Variants in ITGAM observed in about 807,000 individuals in gnomAD.
ITGAM encodes integrin alpha-M.
ITGAM carries 79 observed loss-of-function variants against 137.5 expected under a neutral mutation model. The observed-to-expected ratio is 0.57, with a 90% CI of 0.48 to 0.69. The LOEUF (loss-of-function observed/expected upper bound fraction) is 0.69, where lower values mean the gene tolerates loss of function less well. ITGAM is among the 30% of genes least tolerant of loss of function. ITGAM has a pLI of 0.00. For missense variants in ITGAM, 1,343 were observed against 1,483.5 expected (o/e 0.91, Z 1.56); for synonymous variants, 583 against 592.3 (o/e 0.98, Z 0.23).
At chr16:31,317,185 G>C (rs1008715676) in intron 14 of ITGAM, among the ~76,000 whole-genome samples, 2 of 152,106 alleles carry the variant, frequency 1.3e-5, no homozygotes, top group South Asian at 4.1e-4. Flanking sequence ...CCTAATTTTA[G>C]TGGTAAAATC....
chr16:31,278,192 A>G, intron 12 of ITGAM, 83 bp downstream of exon 12: 2 of 1,409,692 alleles, frequency 1.4e-6, no homozygotes, highest in South Asian at 1.4e-5. Context: ...TTCAGATGAC[A>G]TGCATGGCCC....
In ITGAM at chr16:31,324,564, T is replaced by C. The variant is rs1466844974; in HGVS notation, c.2157+11T>C. On this transcript the variant is annotated intron_variant, in intron 17 of 29. Coordinates refer to ENST00000544665, the MANE Select transcript of ITGAM (RefSeq NM_000632.4). The surrounding 1 kb of genome is among the most constrained non-coding windows in gnomAD (Gnocchi z 4.5). ...AAACTACAGTTGCCGGTGAGCAGGC[T>C]AGTGGCCAGACCCCTGGGTCTTCCA... is the stretch of plus-strand genomic sequence containing the variant. The C allele has an allele frequency of 1.9e-6, 3 of 1,610,122 alleles. No individual in the cohort carries two copies. The highest frequency in any genetic ancestry group is 1.7e-5 in the Admixed American group (1 of 59,350).
Position 31,275,604 on chromosome 16 carries a change from C to G in ITGAM, c.914C>G (p.Ser305Cys). The change falls in exon 9 of 30, where the codon TCC (serine) becomes TGC (cysteine). Residue 305 changes from serine (S) to cysteine (C), a missense_variant. Coordinates refer to ENST00000544665, the MANE Select transcript of ITGAM (RefSeq NM_000632.4). ...KSRQELNTIA[S>C]KPPRDHVFQV... ...CGCCAAGAGCTTAATACCATCGCAT[C>G]CAAGCCGCCTCGTGATCACGTGTTC... 4 of 1,613,926 alleles carry G rather than the reference C, an allele frequency of 2.5e-6. No individual in the cohort carries two copies. Among genetic ancestry groups the G allele is most frequent in the Non-Finnish European group, 3.4e-6 (4 of 1,179,852 alleles).
At position 31,266,417 on chromosome 16, in the gene ITGAM, T is replaced by TA. The variant is rs11331941; in HGVS notation, c.427+290dup. Among the ~76,000 whole-genome samples the TA allele has an allele frequency of 3.0e-3, 394 of 129,586 alleles. 3 individuals are homozygous for TA. Among genetic ancestry groups the TA allele is most frequent in the Admixed American group, 0.017 (221 of 12,880 alleles). 85.0% of individuals were successfully genotyped at this position (129,586 alleles called of 152,430 possible). On this transcript the variant is annotated intron_variant, in intron 5 of 29. Coordinates refer to ENST00000544665, the MANE Select transcript of ITGAM (RefSeq NM_000632.4). The stretch of plus-strand genomic sequence containing the variant: ...GGGCAATGTAGTGAGATCCTGTCTC[T>TA]AAAAAAAAAAAAAAAAAAAATTAGC...
intron 2 of ITGAM, among the ~76,000 whole-genome samples, chr16:31,264,553 A>G (rs1444559230): frequency 1.3e-5 from 2 of 152,064 alleles, no homozygotes; most frequent in East Asian, 3.9e-4. Flanking sequence ...CTGAGGTGGA[A>G]GGATTGTTTG....
At chr16:31,308,834 A>G (rs1411277332) in intron 14 of ITGAM, among the ~76,000 whole-genome samples, 1 of 151,196 alleles carries the variant, frequency 6.6e-6, no homozygotes, top group Non-Finnish European at 1.5e-5. Context: ...TGTGTCCCAG[A>G]GATTTTGGTA....
Position 31,330,298 on chromosome 16 carries a change from C to T in ITGAM, c.3061-10C>T, listed in dbSNP as rs373419434. The T allele has an allele frequency of 6.2e-7, 1 of 1,608,958 alleles. No individual in the cohort carries two copies. On this transcript the variant is annotated splice_polypyrimidine_tract_variant and intron_variant, in intron 26 of 29. Transcript: ENST00000544665. Reference sequence around the variant, plus strand: ...TCCTTACCCGTCCCCTCCCCTCCTGCGTTCCCCAGAACTGCTCCATCGCTG... The same window carrying T: ...TCCTTACCCGTCCCCTCCCCTCCTGTGTTCCCCAGAACTGCTCCATCGCTG...
intron 23 of ITGAM, 97 bp downstream of exon 23, chr16:31,328,327 TGAGA>T: frequency 2.2e-6 from 2 of 917,238 alleles, no homozygotes; most frequent in Admixed American, 1.8e-5. Flanking sequence ...TGTGTGTGTG[TGAGA>T]GTCTGAGGAT....
At position 31,331,172 on chromosome 16, in the gene ITGAM, C is replaced by T. The variant is rs777235450; in HGVS notation, c.3284C>T (p.Thr1095Ile). 2.5e-6 allele frequency: 4 copies of T among 1,605,848 alleles called. No homozygotes were observed. The East Asian group carries it at 6.7e-5, about 27-fold the overall frequency. ...QGAFVRSQTE[T>I]KVEPFEVPNP... is the part of the protein sequence containing the mutation. Reference sequence around the variant, plus strand: ...CCCTCCTTCCTCCCCCAGACGGAGACCAAAGTGGAGCCGTTCGAGGTCCCC... The same window carrying T: ...CCCTCCTTCCTCCCCCAGACGGAGATCAAAGTGGAGCCGTTCGAGGTCCCC... Residue 1095 changes from threonine (T) to isoleucine (I), a missense_variant, in exon 29 of 30, where the codon ACC (threonine) becomes ATC (isoleucine). Thr to Ile is a moderately conservative substitution (Grantham distance 89). Transcript: ENST00000544665.
In ITGAM at chr16:31,324,622, C is replaced by A. The variant is rs769534963; in HGVS notation, c.2158-29C>A. The A allele has an allele frequency of 1.2e-6, 2 of 1,607,448 alleles. No homozygotes were observed. The highest frequency in any genetic ancestry group is 1.7e-6 in the Non-Finnish European group (2 of 1,176,020). ...AGTGGGCTTGGGGAGCTGAGGAGGG[C>A]AGATCCCCAAATCCCGGCTATCTCT... is the stretch of plus-strand genomic sequence containing the variant. On this transcript the variant is annotated intron_variant, in intron 17 of 29. Coordinates refer to ENST00000544665, the MANE Select transcript of ITGAM (RefSeq NM_000632.4). This position sits in a 1 kb window ranked among gnomAD's most constrained non-coding sequence, Gnocchi z 4.5.
chr16:31,295,628 A>G (rs1361072145), intron 12 of ITGAM, among the ~76,000 whole-genome samples: 2 of 150,160 alleles, frequency 1.3e-5, no homozygotes, highest in African/African-American at 4.9e-5. Flanking sequence ...ATATTTATAT[A>G]TATATGTTTT....
rs2144262243 is a variant in ITGAM at position 31,266,114 on chromosome 16, C to T, written c.394C>T (p.Gln132Ter). 5.6e-6 allele frequency: 9 copies of T among 1,613,854 alleles called. No individual in the cohort carries two copies. Among genetic ancestry groups the T allele is most frequent in the Non-Finnish European group, 7.6e-6 (9 of 1,179,854 alleles). Residue 132 changes from glutamine to a stop codon, truncating the protein, a stop_gained, in exon 5 of 30, where the codon CAG becomes TAG. Transcript: ENST00000544665. LOFTEE classifies it high-confidence loss of function. ...LCFLFGSNLR[Q>*]QPQKFPEALR... ...CTTCCTGTTTGGATCCAACCTACGG[C>T]AGCAGCCCCAGAAGTTCCCAGAGGC...
intron 12 of ITGAM, among the ~76,000 whole-genome samples, chr16:31,280,852 G>A (rs941876555): frequency 2.0e-5 from 3 of 152,136 alleles, no homozygotes; most frequent in Non-Finnish European, 2.9e-5. Context: ...TTGGCTGCGG[G>A]TTTGTCATAA....
At chr16:31,313,167 A>G (rs1219478399) in intron 14 of ITGAM, among the ~76,000 whole-genome samples, 2 of 152,052 alleles carry the variant, frequency 1.3e-5, no homozygotes, top group East Asian at 3.9e-4. Flanking sequence ...GCAGTGAGCC[A>G]AGACTGCACC....
At position 31,325,099 on chromosome 16, in the gene ITGAM, C is replaced by A. The variant is rs2080493069; in HGVS notation, c.2363+68C>A. 15 of 1,514,534 alleles carry A rather than the reference C, an allele frequency of 9.9e-6. No individual in the cohort carries two copies. In the Admixed American group the frequency reaches 3.0e-4, roughly 30 times the overall value. The allele number at this position is 1,514,534 out of a possible 1,614,324, so 93.8% of individuals were successfully genotyped here. On this transcript the variant is annotated intron_variant, in intron 19 of 29. Transcript: ENST00000544665. ...TACCATGACCCGCTCTTTTCTCCTC[C>A]TGGCCCCCAAGGGAGCCGGGTGTTC...
At chr16:31,320,417 T>C (rs986663314) in intron 14 of ITGAM, among the ~76,000 whole-genome samples, 2 of 152,224 alleles carry the variant, frequency 1.3e-5, no homozygotes, top group Non-Finnish European at 2.9e-5. Flanking sequence ...AAAATCACTT[T>C]TAAAATTTCT....
At chr16:31,263,194 G>T (rs1326803073) in intron 2 of ITGAM, among the ~76,000 whole-genome samples, 2 of 152,160 alleles carry the variant, frequency 1.3e-5, no homozygotes, top group Admixed American at 1.3e-4. Flanking sequence ...ACCTGCCTCG[G>T]CCTCCCAAAG....
Position 31,325,607 on chromosome 16 carries a change from C to T in ITGAM, c.2613C>T (p.Phe871=). 1.2e-6 allele frequency: 2 copies of T among 1,613,896 alleles called. No homozygotes were observed. The highest frequency in any genetic ancestry group is 1.7e-6 in the Non-Finnish European group (2 of 1,179,862). The part of the protein sequence containing the change: ...STSCSINHPI[F]PENSEVTFNI... Reference sequence around the variant, plus strand: ...GCTGCAGCATAAACCACCCCATCTTCCCGGAAAACTCAGAGGTCAGAACTC... The same window carrying T: ...GCTGCAGCATAAACCACCCCATCTTTCCGGAAAACTCAGAGGTCAGAACTC... The change falls in exon 21 of 30, where the codon TTC becomes TTT. Residue 871 remains phenylalanine (F), a synonymous_variant. Transcript: ENST00000544665.
intron 12 of ITGAM, among the ~76,000 whole-genome samples, chr16:31,286,551 G>T (rs1326742529): frequency 6.6e-6 from 1 of 152,190 alleles, no homozygotes; most frequent in Non-Finnish European, 1.5e-5. Flanking sequence ...ACTGGTGTGA[G>T]ATGGTATCTC....
Sources: allele counts gnomAD v4.1 joint callset (sites outside exome capture counted in the v4.1 genomes callset), GRCh38; gene constraint gnomAD v4.1.1; non-coding constraint Gnocchi (gnomAD v3.1); transcripts MANE v1.5; gene names NCBI Gene and HGNC (gene_info 2026-07-23, HGNC 2026-07-21).